IL1RAPL2: variants seen among roughly 807,000 people sequenced by gnomAD.
IL1RAPL2 encodes X-linked interleukin-1 receptor accessory protein-like 2.
Under a neutral mutation model 44.1 loss-of-function variants are expected in IL1RAPL2, and 3 were observed. The observed-to-expected ratio is 0.07, with a 90% CI of 0.03 to 0.18. The LOEUF (loss-of-function observed/expected upper bound fraction) is 0.18, where lower values mean the gene tolerates loss of function less well. IL1RAPL2 is among the 10% of genes least tolerant of loss of function. The pLI is 1.00. For synonymous variants in IL1RAPL2, 181 were observed against 178.8 expected, an observed-to-expected ratio of 1.01 and a Z score of -0.10; for missense variants, 391 against 496.4, an observed-to-expected ratio of 0.79 and a Z score of 2.02.
chrX:104,634,673 CT>C (rs1197084603), intron 1 of IL1RAPL2, among the ~76,000 whole-genome samples: 1 of 110,940 alleles, frequency 9.0e-6, no homozygotes, highest in East Asian at 2.8e-4. Flanking sequence ...CAACCCCTGC[CT>C]TTTTTTGTTT....
Position 104,678,936 on chromosome X carries a change from A to G in IL1RAPL2, c.82+19941A>G, listed in dbSNP as rs746115354. 2.7e-5 allele frequency among the ~76,000 whole-genome samples: 3 copies of G among 111,551 alleles called. No homozygotes were observed. The South Asian group carries it at 1.2e-3, about 43-fold the overall frequency. On this transcript the variant is annotated intron_variant, in intron 2 of 10. Transcript: ENST00000372582. ...GTGTATACCTATGTAACAAACCTGC[A>G]TGTTCTGCACATGTATGTCAGAACT...
At chrX:104,624,543 C>T (rs2091144319) in intron 1 of IL1RAPL2, among the ~76,000 whole-genome samples, 1 of 111,093 alleles carries the variant, frequency 9.0e-6, no homozygotes, top group South Asian at 3.7e-4. Context: ...AGTAAATAAG[C>T]CATCTCATAT....
At chrX:105,619,051 G>A (rs937498309) in intron 6 of IL1RAPL2, among the ~76,000 whole-genome samples, 88 of 110,569 alleles carry the variant, frequency 8.0e-4, no homozygotes, top group Non-Finnish European at 1.3e-4. Context: ...ACAGACTCCT[G>A]TAATGAAAGA....
chrX:105,241,491 C>A (rs562194563), intron 4 of IL1RAPL2, among the ~76,000 whole-genome samples: 35 of 111,633 alleles, frequency 3.1e-4, no homozygotes, highest in Middle Eastern at 4.7e-3. Context: ...AGAAAGAAAG[C>A]CAAATTTCAT....
intron 2 of IL1RAPL2, among the ~76,000 whole-genome samples, chrX:104,789,242 T>C (rs752428425): frequency 9.0e-4 from 101 of 111,916 alleles, no homozygotes; most frequent in Non-Finnish European, 1.2e-3. Flanking sequence ...CCCATTACCA[T>C]TGTAGTGAGC....
intron 2 of IL1RAPL2, among the ~76,000 whole-genome samples, chrX:105,031,023 C>T (rs1254590773): frequency 9.1e-6 from 1 of 110,137 alleles, no homozygotes; most frequent in Non-Finnish European, 1.9e-5. Flanking sequence ...AGGGAGTTCA[C>T]TCATGATTTG....
chrX:105,514,965 G>C (rs1380227639), intron 6 of IL1RAPL2, among the ~76,000 whole-genome samples: 1 of 111,880 alleles, frequency 8.9e-6, no homozygotes, highest in Non-Finnish European at 1.9e-5. Flanking sequence ...CATTAAAACA[G>C]GAATAAAGGT....
At chrX:104,805,062 C>A (rs1215680710) in intron 2 of IL1RAPL2, among the ~76,000 whole-genome samples, 1 of 111,731 alleles carries the variant, frequency 9.0e-6, no homozygotes, top group Non-Finnish European at 1.9e-5. Context: ...CTAAAACGTC[C>A]AGTGTATACA....
intron 1 of IL1RAPL2, among the ~76,000 whole-genome samples, chrX:104,638,207 AT>A (rs1929864639): frequency 9.1e-6 from 1 of 109,492 alleles, no homozygotes; most frequent in African/African-American, 3.4e-5. Flanking sequence ...ATCAGTTGAA[AT>A]GTTTTTTTTT....
chrX:105,707,637 T>C (rs1032682077), intron 6 of IL1RAPL2, among the ~76,000 whole-genome samples: 5 of 112,056 alleles, frequency 4.5e-5, no homozygotes, highest in Admixed American at 1.9e-4. Context: ...CCACTTACAA[T>C]GTTTGTGGCT....
chrX:104,717,876 A>G (rs1025274957), intron 2 of IL1RAPL2, among the ~76,000 whole-genome samples: 2 of 108,487 alleles, frequency 1.8e-5, no homozygotes, highest in African/African-American at 6.7e-5. Flanking sequence ...TGTCATTGCG[A>G]TAGTTTGCTG....
intron 2 of IL1RAPL2, among the ~76,000 whole-genome samples, chrX:104,721,276 G>A (rs1421942784): frequency 6.3e-5 from 7 of 111,283 alleles, no homozygotes; most frequent in African/African-American, 2.3e-4. Flanking sequence ...CATGGAATCA[G>A]CCCAGATGCC....
At chrX:105,096,151 C>T (rs2032601085) in intron 2 of IL1RAPL2, among the ~76,000 whole-genome samples, 1 of 111,771 alleles carries the variant, frequency 8.9e-6, no homozygotes, top group Non-Finnish European at 1.9e-5. Context: ...CATTTAATAT[C>T]ACATGGAATG....
At chrX:104,960,061 AT>A (rs1289942067) in intron 2 of IL1RAPL2, among the ~76,000 whole-genome samples, 3 of 112,090 alleles carry the variant, frequency 2.7e-5, no homozygotes, top group Non-Finnish European at 3.8e-5. Flanking sequence ...ACACTTATTT[AT>A]TTTTTATCCT....
At chrX:104,725,926 T>A (rs758176923) in intron 2 of IL1RAPL2, among the ~76,000 whole-genome samples, 1 of 111,856 alleles carries the variant, frequency 8.9e-6, no homozygotes, top group Non-Finnish European at 1.9e-5. Context: ...TTGTTGCCAT[T>A]GCCTTTGGTG....
chrX:104,986,310 G>A (rs757597454), intron 2 of IL1RAPL2, among the ~76,000 whole-genome samples: 1 of 111,931 alleles, frequency 8.9e-6, no homozygotes, highest in African/African-American at 3.2e-5. Flanking sequence ...CTTCTTTGGA[G>A]GATTAAATGA....
intron 5 of IL1RAPL2, among the ~76,000 whole-genome samples, chrX:105,382,155 A>C (rs2147724065): frequency 9.2e-6 from 1 of 108,929 alleles, no homozygotes; most frequent in Non-Finnish European, 1.9e-5. Flanking sequence ...TGCACAGCAA[A>C]AGAAACTACC....
chrX:105,315,376 T>TC (rs2147683737), intron 5 of IL1RAPL2, among the ~76,000 whole-genome samples: 1 of 105,749 alleles, frequency 9.5e-6, no homozygotes, highest in South Asian at 4.5e-4. Flanking sequence ...ATTTATTACC[T>TC]TTTTTTAAAA....
chrX:105,353,381 T>G lies in IL1RAPL2; in HGVS notation c.697+85840T>G, dbSNP rs368368109. ...AGGTAGTGTGATGCCTCCAGCTTTGTTCTTTTGGCTTAGAATTGACTTGGC... is the reference window on the plus strand; with the variant it reads ...AGGTAGTGTGATGCCTCCAGCTTTGGTCTTTTGGCTTAGAATTGACTTGGC... On this transcript the variant is annotated intron_variant, in intron 5 of 10. Coordinates refer to ENST00000372582, the MANE Select transcript of IL1RAPL2 (RefSeq NM_017416.2). Among the ~76,000 whole-genome samples the G allele has an allele frequency of 3.6e-5, 4 of 111,739 alleles. No homozygotes were observed. The South Asian group carries it at 1.5e-3, about 42-fold the overall frequency.
Sources: gnomAD v4.1 joint callset for allele counts (sites outside exome capture counted in the v4.1 genomes callset) on GRCh38, gnomAD v4.1.1 for gene constraint, MANE v1.5 for transcripts, NCBI Gene and HGNC (gene_info 2026-07-23, HGNC 2026-07-21) for gene names.